The following CFAP210 variants were observed in gnomAD, a reference collection of about 807,000 sequenced individuals.
CFAP210 encodes cilia- and flagella- associated protein 210.
At chr2:169,652,276 G>C in the CFAP210 span, among the ~76,000 whole-genome samples, 1 of 152,100 alleles carries the variant, frequency 6.6e-6, no homozygotes, top group Non-Finnish European at 1.5e-5. Flanking sequence ...TAAATGCCAT[G>C]AGAAAGCTAG....
chr2:169,679,597 CG>C, the CFAP210 span, among the ~76,000 whole-genome samples: 1 of 148,354 alleles, frequency 6.7e-6, no homozygotes, highest in South Asian at 2.1e-4. Context: ...AGGAGAATGG[CG>C]TGAACCCTGG....
the CFAP210 span, among the ~76,000 whole-genome samples, chr2:169,689,993 T>C: frequency 1.3e-5 from 2 of 152,212 alleles, no homozygotes; most frequent in East Asian, 3.8e-4. Flanking sequence ...TAGTATTTTA[T>C]TTAATTAATT....
chr2:169,690,752 A>G, the CFAP210 span, among the ~76,000 whole-genome samples: 2 of 150,912 alleles, frequency 1.3e-5, no homozygotes, highest in African/African-American at 4.9e-5. Context: ...ATAATTTCTT[A>G]TAAGAAATTT....
At chr2:169,681,177 C>T in the CFAP210 span, 3 of 1,613,892 alleles carry the variant, frequency 1.9e-6, no homozygotes, top group Non-Finnish European at 1.7e-6. Flanking sequence ...TGGAGATCTA[C>T]TTTGCTAGGT....
chr2:169,649,088 T>C, the CFAP210 span: 1 of 1,097,982 alleles, frequency 9.1e-7, no homozygotes, highest in Non-Finnish European at 1.3e-6. Context: ...ATTTTTTTCT[T>C]ACCTGATGAA....
the CFAP210 span, among the ~76,000 whole-genome samples, chr2:169,672,704 T>C: frequency 3.3e-5 from 5 of 152,294 alleles, no homozygotes; most frequent in East Asian, 9.6e-4. Context: ...CCTGCTTTGT[T>C]CTAGCTGTGC....
At chr2:169,671,320 C>T in the CFAP210 span, among the ~76,000 whole-genome samples, 12 of 152,284 alleles carry the variant, frequency 7.9e-5, no homozygotes, top group South Asian at 2.1e-4. Flanking sequence ...TGAAATTAGG[C>T]GCAGGAACCA....
At chr2:169,679,618 T>C in the CFAP210 span, among the ~76,000 whole-genome samples, 1 of 145,472 alleles carries the variant, frequency 6.9e-6, no homozygotes, top group Non-Finnish European at 1.5e-5. Context: ...GAGGTGGAGC[T>C]TGCAGTCAGC....
chr2:169,674,557 G>C, the CFAP210 span: 1 of 1,530,894 alleles, frequency 6.5e-7, no homozygotes, highest in Admixed American at 2.4e-5. Context: ...GTACAAAAAG[G>C]TATTTTATGT....
At chr2:169,647,358 A>G in the CFAP210 span, among the ~76,000 whole-genome samples, 1 of 152,190 alleles carries the variant, frequency 6.6e-6, no homozygotes, top group South Asian at 2.1e-4. Context: ...AAGAATTACT[A>G]TAATGGAACA....
At chr2:169,667,142 C>CTTT in the CFAP210 span, among the ~76,000 whole-genome samples, 2 of 58,048 alleles carry the variant, frequency 3.4e-5, no homozygotes, top group East Asian at 2.9e-4. Flanking sequence ...TTTCTTTTTT[C>CTTT]TTTTTTTTTT....
chr2:169,690,751 T>C, the CFAP210 span, among the ~76,000 whole-genome samples: 3 of 152,194 alleles, frequency 2.0e-5, no homozygotes, highest in East Asian at 1.9e-4. Context: ...CATAATTTCT[T>C]ATAAGAAATT....
chr2:169,681,369 A>G, the CFAP210 span: 1 of 741,108 alleles, frequency 1.3e-6, no homozygotes, highest in Non-Finnish European at 2.3e-6. Flanking sequence ...TCCTAAGAAC[A>G]GCTATGATTA....
chr2:169,664,631 A>C, the CFAP210 span, among the ~76,000 whole-genome samples: 2 of 152,194 alleles, frequency 1.3e-5, no homozygotes, highest in Admixed American at 6.5e-5. Context: ...CCTCTAGTTC[A>C]AGGAAGAAAC....
At chr2:169,675,544 A>T in the CFAP210 span, among the ~76,000 whole-genome samples, 1 of 152,228 alleles carries the variant, frequency 6.6e-6, no homozygotes, top group Non-Finnish European at 1.5e-5. Flanking sequence ...TCACGAGAAC[A>T]CAGTCACTAT....
the CFAP210 span, chr2:169,674,465 T>C: frequency 1.8e-5 from 16 of 913,404 alleles, no homozygotes; most frequent in Non-Finnish European, 2.6e-5. Context: ...CTTTTTGTAC[T>C]TTTTCTACTG....
the CFAP210 span, among the ~76,000 whole-genome samples, chr2:169,656,126 A>G: frequency 1.3e-5 from 2 of 152,128 alleles, no homozygotes; most frequent in African/African-American, 4.8e-5. Context: ...ATCTCTACAA[A>G]AAAGACCACA....
the CFAP210 span, among the ~76,000 whole-genome samples, chr2:169,692,369 G>A: frequency 6.6e-6 from 1 of 151,782 alleles, no homozygotes; most frequent in Non-Finnish European, 1.5e-5. Flanking sequence ...CATCTGGCAG[G>A]GGCCTTCTTG....
the CFAP210 span, among the ~76,000 whole-genome samples, chr2:169,683,208 G>A: frequency 6.6e-6 from 1 of 152,098 alleles, no homozygotes; most frequent in Non-Finnish European, 1.5e-5. Context: ...GCAAAATAAA[G>A]CCAAACAAAG....
Sources: gnomAD v4.1 joint callset for allele counts (sites outside exome capture counted in the v4.1 genomes callset) on GRCh38, gnomAD v4.1.1 for gene constraint, MANE v1.5 for transcripts, NCBI Gene and HGNC (gene_info 2026-07-23, HGNC 2026-07-21) for gene names.